DLGAP2: variants seen among roughly 807,000 people sequenced by gnomAD.
DLGAP2 encodes DLG associated protein 2.
DLGAP2 carries 26 observed loss-of-function variants against 100.3 expected under a neutral mutation model. The ratio of observed to expected loss-of-function variants is 0.26; its 90% CI spans 0.19 to 0.36. The LOEUF is 0.36. Ranked by LOEUF, DLGAP2 falls within the 10% of genes least tolerant of loss-of-function variation. The probability of loss-of-function intolerance (pLI) is 1.00; values close to 1 mark genes in which losing one functional copy is unlikely to be tolerated. For synonymous variants in DLGAP2, 886 were observed against 630.1 expected (o/e 1.41, Z -6.08); for missense variants, 1,858 against 1,453.2 (o/e 1.28, Z -4.53).
chr8:1,434,137 G>C (rs1191133309), intron 3 of DLGAP2, among the ~76,000 whole-genome samples: 1 of 152,152 alleles, frequency 6.6e-6, no homozygotes, highest in Non-Finnish European at 1.5e-5. Flanking sequence ...CAGGGCTGAG[G>C]GTTTCGCATT....
At chr8:1,039,099 A>G (rs1040780163) in intron 2 of DLGAP2, among the ~76,000 whole-genome samples, 1 of 152,144 alleles carries the variant, frequency 6.6e-6, no homozygotes, top group Non-Finnish European at 1.5e-5. Flanking sequence ...CATTGGAGCA[A>G]ACTCACCTGG....
At chr8:1,240,796 CTT>C (rs1427328908) in intron 2 of DLGAP2, among the ~76,000 whole-genome samples, 2 of 6,808 alleles carry the variant, frequency 2.9e-4, no homozygotes, top group African/African-American at 1.0e-3. Context: ...GTTTCTAGTT[CTT>C]TCACATGGCG....
chr8:1,321,466 C>A (rs761510157), intron 3 of DLGAP2, among the ~76,000 whole-genome samples: 1 of 152,358 alleles, frequency 6.6e-6, no homozygotes, highest in East Asian at 1.9e-4. Flanking sequence ...CGTGCATCCG[C>A]ATCCATGTGC....
chr8:866,300 T>G (rs1487552578), intron 1 of DLGAP2, among the ~76,000 whole-genome samples: 1 of 152,184 alleles, frequency 6.6e-6, no homozygotes, highest in Non-Finnish European at 1.5e-5. Flanking sequence ...TGATTCCCCC[T>G]TCCAGTGTCT....
intron 3 of DLGAP2, among the ~76,000 whole-genome samples, chr8:1,263,200 G>C (rs1289351991): frequency 6.6e-6 from 1 of 152,180 alleles, no homozygotes; most frequent in Non-Finnish European, 1.5e-5. Flanking sequence ...AGAAGCAATA[G>C]ATGATTGTGA....
chr8:1,276,118 A>G (rs967507224), intron 3 of DLGAP2, among the ~76,000 whole-genome samples: 5 of 145,068 alleles, frequency 3.4e-5, no homozygotes, highest in African/African-American at 1.3e-4. Flanking sequence ...TATATATAAT[A>G]TATATAAATG....
At chr8:1,581,781 A>G (rs994456230) in intron 6 of DLGAP2, among the ~76,000 whole-genome samples, 1 of 151,946 alleles carries the variant, frequency 6.6e-6, no homozygotes, top group South Asian at 2.1e-4. Flanking sequence ...CCACAAGTGA[A>G]CGATACAGAC....
At chr8:934,498 T>A in intron 2 of DLGAP2, among the ~76,000 whole-genome samples, 1 of 152,190 alleles carries the variant, frequency 6.6e-6, no homozygotes, top group East Asian at 1.9e-4. Flanking sequence ...CCTCTTCGAT[T>A]CTTGCCTTGG....
intron 3 of DLGAP2, among the ~76,000 whole-genome samples, chr8:1,453,235 A>G (rs1315210613): frequency 5.9e-5 from 9 of 152,088 alleles, no homozygotes; most frequent in African/African-American, 2.2e-4. Flanking sequence ...GCTGGGACGG[A>G]GACGGGAATG....
intron 2 of DLGAP2, among the ~76,000 whole-genome samples, chr8:1,223,798 A>G (rs1006952359): frequency 3.9e-5 from 6 of 152,214 alleles, no homozygotes; most frequent in African/African-American, 1.4e-4. Flanking sequence ...GATAAAAACA[A>G]TTGAATAGTA....
At chr8:1,351,556 A>G (rs1172305094) in intron 3 of DLGAP2, among the ~76,000 whole-genome samples, 4 of 75,914 alleles carry the variant, frequency 5.3e-5, no homozygotes, top group African/African-American at 1.6e-4. Flanking sequence ...GTGTGTGGAA[A>G]GGACGTGCGG....
At position 1,228,728 on chromosome 8, in the gene DLGAP2, A is replaced by G. The variant is rs543210489; in HGVS notation, c.74-30123A>G. Among the ~76,000 whole-genome samples, 7 of 152,366 alleles carry G rather than the reference A, an allele frequency of 4.6e-5. No homozygotes were observed. The South Asian group carries it at 1.4e-3, about 32-fold the overall frequency. ...AGGTGCAGAAGAAGTATTTGACAAA[A>G]TTCAACACCTCTTCATAACACTCAA... On this transcript the variant is annotated intron_variant, in intron 2 of 14. Transcript: ENST00000637795.
At chr8:1,127,298 A>G (rs1483701509) in intron 2 of DLGAP2, among the ~76,000 whole-genome samples, 2 of 151,830 alleles carry the variant, frequency 1.3e-5, no homozygotes, top group Non-Finnish European at 2.9e-5. Flanking sequence ...GTGAACCCCC[A>G]TTCTCTTCCT....
At chr8:1,073,342 C>G (rs1441147415) in intron 2 of DLGAP2, among the ~76,000 whole-genome samples, 1 of 151,694 alleles carries the variant, frequency 6.6e-6, no homozygotes, top group Admixed American at 6.6e-5. Flanking sequence ...TTACAGGGAG[C>G]TATAAAGTTT....
Position 836,073 on chromosome 8 carries a change from G to T in DLGAP2, c.19-71839G>T, listed in dbSNP as rs1451022713. Among the ~76,000 whole-genome samples the T allele has an allele frequency of 3.3e-5, 5 of 152,320 alleles. No homozygotes were observed. The South Asian group carries it at 8.3e-4, about 25-fold the overall frequency. On this transcript the variant is annotated intron_variant, in intron 1 of 14. Transcript: ENST00000637795. ...AAATGCCGAGATGTAAAGGACACCCGCAGCCATGGAGCACAGCGGCGGCGC... is the reference window on the plus strand; with the variant it reads ...AAATGCCGAGATGTAAAGGACACCCTCAGCCATGGAGCACAGCGGCGGCGC...
intron 2 of DLGAP2, among the ~76,000 whole-genome samples, chr8:1,072,410 T>C (rs1803462244): frequency 6.6e-6 from 1 of 152,262 alleles, no homozygotes; most frequent in South Asian, 2.1e-4. Context: ...GTTTGATTTG[T>C]AGAAATCTTT....
intron 2 of DLGAP2, among the ~76,000 whole-genome samples, chr8:981,168 C>T (rs545689380): frequency 1.7e-4 from 26 of 152,214 alleles, no homozygotes; most frequent in South Asian, 6.2e-4. Flanking sequence ...TGAGATCATA[C>T]GGCATTTGTC....
intron 2 of DLGAP2, among the ~76,000 whole-genome samples, chr8:1,169,862 A>T (rs933711895): frequency 9.2e-5 from 14 of 151,792 alleles, no homozygotes; most frequent in Non-Finnish European, 1.9e-4. Flanking sequence ...TTCCTAATTG[A>T]ATAACCTTTA....
intron 1 of DLGAP2, among the ~76,000 whole-genome samples, chr8:838,522 C>G (rs929292244): frequency 6.6e-6 from 1 of 151,824 alleles, no homozygotes; most frequent in South Asian, 2.1e-4. Context: ...TTCAATTAAT[C>G]CATAATATAC....
Sources: gnomAD v4.1 joint callset for allele counts (sites outside exome capture counted in the v4.1 genomes callset) on GRCh38, gnomAD v4.1.1 for gene constraint, MANE v1.5 for transcripts, NCBI Gene and HGNC (gene_info 2026-07-23, HGNC 2026-07-21) for gene names.